Variants in BMPER observed in about 807,000 individuals in gnomAD.
The protein encoded by BMPER is BMP-binding endothelial regulator protein.
A neutral mutation model predicts 87.3 loss-of-function variants in BMPER; 45 were observed. That is an observed-to-expected ratio of 0.52 (90% CI 0.41 to 0.66). The LOEUF is 0.66. BMPER is among the 30% of genes least tolerant of loss of function. The probability of loss-of-function intolerance (pLI) is 0.00; values close to 1 mark genes in which losing one functional copy is unlikely to be tolerated. For synonymous variants in BMPER, 326 were observed against 316.2 expected (o/e 1.03, Z -0.33); for missense variants, 784 against 867.5 (o/e 0.90, Z 1.21).
intron 13 of BMPER, among the ~76,000 whole-genome samples, chr7:34,109,756 T>A (rs1789913672): frequency 6.6e-6 from 1 of 152,214 alleles, no homozygotes; most frequent in Non-Finnish European, 1.5e-5. Context: ...GCGAACCTTG[T>A]TTGAGAAATT....
intron 8 of BMPER, among the ~76,000 whole-genome samples, chr7:34,054,555 A>G (rs1455793820): frequency 6.6e-6 from 1 of 152,150 alleles, no homozygotes; most frequent in East Asian, 1.9e-4. Context: ...AGATGATACA[A>G]ACTCTTCACC....
intron 6 of BMPER, among the ~76,000 whole-genome samples, chr7:33,994,171 T>G (rs1786324920): frequency 6.6e-6 from 1 of 152,196 alleles, no homozygotes; most frequent in Admixed American, 6.5e-5. Context: ...CCAGGCTGCT[T>G]TGTTTACCTA....
chr7:33,940,523 C>T (rs1428591791), intron 3 of BMPER, among the ~76,000 whole-genome samples: 1 of 152,118 alleles, frequency 6.6e-6, no homozygotes, highest in Non-Finnish European at 1.5e-5. Flanking sequence ...TTTGGCCTCC[C>T]AAGGAATCCC....
chr7:34,141,451 A>G (rs1370095261), intron 13 of BMPER, among the ~76,000 whole-genome samples: 1 of 151,948 alleles, frequency 6.6e-6, no homozygotes, highest in Admixed American at 6.6e-5. Flanking sequence ...CTATACCAAA[A>G]ATACAAAAAA....
At chr7:34,033,361 C>T (rs1461333168) in intron 6 of BMPER, among the ~76,000 whole-genome samples, 1 of 152,148 alleles carries the variant, frequency 6.6e-6, no homozygotes, top group Non-Finnish European at 1.5e-5. Context: ...TGATTATGCA[C>T]ATTGAGTTAT....
intron 6 of BMPER, among the ~76,000 whole-genome samples, chr7:34,011,609 A>G (rs2127941337): frequency 6.6e-6 from 1 of 150,840 alleles, no homozygotes; most frequent in South Asian, 2.1e-4. Context: ...AAAAAAGAAA[A>G]AAAAAGAAAG....
chr7:34,038,277 A>C (rs1012163575), intron 6 of BMPER, among the ~76,000 whole-genome samples: 1 of 152,174 alleles, frequency 6.6e-6, no homozygotes, highest in Non-Finnish European at 1.5e-5. Context: ...ATGAGCAGAG[A>C]GCACAGTCAG....
intron 13 of BMPER, among the ~76,000 whole-genome samples, chr7:34,119,815 T>C (rs534521368): frequency 1.3e-4 from 20 of 152,250 alleles, no homozygotes; most frequent in African/African-American, 4.6e-4. Flanking sequence ...TAGTTATATA[T>C]GGTTAAATGT....
intron 13 of BMPER, among the ~76,000 whole-genome samples, chr7:34,140,216 C>G (rs182801212): frequency 6.6e-6 from 1 of 152,288 alleles, no homozygotes; most frequent in African/African-American, 2.4e-5. Context: ...GCCATGTGGA[C>G]TGGAGGAGAC....
chr7:33,905,981 G>A (rs755620750), intron 1 of BMPER, among the ~76,000 whole-genome samples: 1 of 152,192 alleles, frequency 6.6e-6, no homozygotes, highest in Non-Finnish European at 1.5e-5. Flanking sequence ...TCTTCTATTT[G>A]AATTTGAGAA....
intron 5 of BMPER, among the ~76,000 whole-genome samples, chr7:33,974,160 C>G (rs543549829): frequency 1.8e-4 from 28 of 152,254 alleles, no homozygotes; most frequent in African/African-American, 4.6e-4. Flanking sequence ...GTTACTTTCC[C>G]CTCTGAGCCA....
At chr7:34,144,238 T>C (rs2127994963) in intron 14 of BMPER, among the ~76,000 whole-genome samples, 1 of 151,884 alleles carries the variant, frequency 6.6e-6, no homozygotes, top group East Asian at 1.9e-4. Flanking sequence ...TAGCATGCTC[T>C]CAAAGTGGAG....
intron 6 of BMPER, among the ~76,000 whole-genome samples, chr7:34,006,204 A>T (rs1562685010): frequency 6.6e-6 from 1 of 152,044 alleles, no homozygotes; most frequent in Non-Finnish European, 1.5e-5. Flanking sequence ...CGAAATAGGA[A>T]TTTTTTTCTA....
chr7:34,149,404 G>A (rs777925526), intron 14 of BMPER, among the ~76,000 whole-genome samples: 1 of 152,128 alleles, frequency 6.6e-6, no homozygotes, highest in South Asian at 2.1e-4. Context: ...GGCATCTTGC[G>A]GGGATATCCA....
chr7:34,090,026 G>T (rs1321602455), intron 13 of BMPER, among the ~76,000 whole-genome samples: 1 of 152,046 alleles, frequency 6.6e-6, no homozygotes, highest in African/African-American at 2.4e-5. Context: ...ATATAATTAA[G>T]TTCTTTTCAA....
chr7:34,102,926 C>T (rs1251463569), intron 13 of BMPER, among the ~76,000 whole-genome samples: 1 of 152,072 alleles, frequency 6.6e-6, no homozygotes, highest in Non-Finnish European at 1.5e-5. Context: ...GTCAGGGAGG[C>T]CCTCTGGGAT....
chr7:33,945,815 A>G (rs1225220723), intron 3 of BMPER, among the ~76,000 whole-genome samples: 1 of 152,054 alleles, frequency 6.6e-6, no homozygotes, highest in African/African-American at 2.4e-5. Flanking sequence ...CTTATTTTAT[A>G]TATGAGGAAA....
intron 13 of BMPER, among the ~76,000 whole-genome samples, chr7:34,096,906 T>A (rs562333792): frequency 6.6e-6 from 1 of 152,174 alleles, no homozygotes; most frequent in Non-Finnish European, 1.5e-5. Context: ...TTGTGATTGA[T>A]TGATTAAATA....
In BMPER at chr7:34,155,648, G is replaced by A. The variant is rs1332392808; in HGVS notation, c.*2375G>A. 1 of 152,214 alleles carries A rather than the reference G, an allele frequency of 6.6e-6. No homozygotes were observed. Among genetic ancestry groups the A allele is most frequent in the African/African-American group, 2.4e-5 (1 of 41,456 alleles). 9.4% of individuals were successfully genotyped at this position (152,214 alleles called of 1,614,324 possible). A position where few individuals can be genotyped will look rare whatever the true frequency, so the allele number is the denominator to read the frequency against. On this transcript the variant is annotated 3_prime_UTR_variant, in exon 15 of 15. Transcript: ENST00000649409. ...TAATTCAAAGAGCCATCTCTGATGG[G>A]AGAGGGTGAGGAAATCAGCTGAATG...
Sources: gnomAD v4.1 joint callset for allele counts (sites outside exome capture counted in the v4.1 genomes callset) on GRCh38, gnomAD v4.1.1 for gene constraint, MANE v1.5 for transcripts, NCBI Gene and HGNC (gene_info 2026-07-23, HGNC 2026-07-21) for gene names.